Variants in DAB2IP observed in about 807,000 individuals in gnomAD.
DAB2IP encodes DAB2 interacting protein.
DAB2IP carries 28 observed loss-of-function variants against 107.2 expected under a neutral mutation model. The observed-to-expected ratio is 0.26, with a 90% confidence interval of 0.19 to 0.36. The LOEUF (loss-of-function observed/expected upper bound fraction) is 0.36. DAB2IP is among the 10% of genes least tolerant of loss of function. The pLI, the probability that DAB2IP is intolerant of heterozygous loss-of-function variation, is 1.00. For synonymous variants in DAB2IP, 755 were observed against 706.4 expected (o/e 1.07, Z -1.09); for missense variants, 1,400 against 1,644.7 (o/e 0.85, Z 2.57).
At chr9:121,706,577 C>T (rs1830068045) in intron 3 of DAB2IP, among the ~76,000 whole-genome samples, 1 of 152,192 alleles carries the variant, frequency 6.6e-6, no homozygotes, top group South Asian at 2.1e-4. Flanking sequence ...GCCGTGGTTC[C>T]TCTCTGCCCC....
rs78352067 is a variant in DAB2IP, at chr9:121,753,782, G to T, written c.363-3231G>T. 2.8e-4 allele frequency among the ~76,000 whole-genome samples: 42 copies of T among 152,304 alleles called. No individual in the cohort carries two copies. The East Asian group carries it at 4.6e-3, about 17-fold the overall frequency. On this transcript the variant is annotated intron_variant, in intron 3 of 15. Transcript: ENST00000408936. Reference sequence around the variant, plus strand: ...GGCATCCCTTCCTGGGAGTGGAATGGGAGTGAGGTAGAGACCAGTGCCTGC... The same window carrying T: ...GGCATCCCTTCCTGGGAGTGGAATGTGAGTGAGGTAGAGACCAGTGCCTGC...
chr9:121,674,210 T>TC (rs1833795996), intron 1 of DAB2IP, among the ~76,000 whole-genome samples: 1 of 152,186 alleles, frequency 6.6e-6, no homozygotes. Flanking sequence ...CTCTCCCTCC[T>TC]CCCCTCATCT....
At chr9:121,720,107 A>C (rs898949941) in intron 3 of DAB2IP, among the ~76,000 whole-genome samples, 2 of 152,230 alleles carry the variant, frequency 1.3e-5, no homozygotes, top group African/African-American at 4.8e-5. Context: ...GGGCAGCTCC[A>C]ACTCTGGCCT....
intron 1 of DAB2IP, among the ~76,000 whole-genome samples, chr9:121,607,935 T>C (rs944591699): frequency 2.6e-5 from 4 of 152,150 alleles, no homozygotes; most frequent in African/African-American, 9.7e-5. Context: ...CCAGAAGACA[T>C]AATGGAAGCA....
chr9:121,756,020 A>G (rs1013144644), intron 3 of DAB2IP, among the ~76,000 whole-genome samples: 1 of 152,106 alleles, frequency 6.6e-6, no homozygotes, highest in African/African-American at 2.4e-5. Context: ...CACCAACCCC[A>G]GGGTTTGAGC....
intron 2 of DAB2IP, among the ~76,000 whole-genome samples, chr9:121,690,486 C>T (rs1829109629): frequency 6.6e-6 from 1 of 152,190 alleles, no homozygotes; most frequent in African/African-American, 2.4e-5. Flanking sequence ...TGTTTGTAGC[C>T]ATCCAGACCT....
chr9:121,663,762 G>A (rs1278107441), intron 1 of DAB2IP, among the ~76,000 whole-genome samples: 1 of 152,224 alleles, frequency 6.6e-6, no homozygotes, highest in Non-Finnish European at 1.5e-5. Flanking sequence ...GGACTGAGCT[G>A]GGCCCTGGGG....
At chr9:121,770,454 C>A (rs148495923) in intron 10 of DAB2IP, 92 bp from the exon 11 acceptor site, 4 of 1,417,064 alleles carry the variant, frequency 2.8e-6, no homozygotes, top group Non-Finnish European at 3.9e-6. Context: ...TGACAGGCTC[C>A]GCAGTGGTTT....
chr9:121,602,925 G>A (rs1189753933), intron 1 of DAB2IP, among the ~76,000 whole-genome samples: 1 of 151,850 alleles, frequency 6.6e-6, no homozygotes, highest in African/African-American at 2.4e-5. Context: ...GCTCAGGATG[G>A]TCTTGATCTC....
chr9:121,757,031 G>A, exon 4 of DAB2IP: 1 of 1,614,180 alleles, frequency 6.2e-7, no homozygotes, highest in Non-Finnish European at 8.5e-7. Context: ...TGATGCCGAG[G>A]CTGAAGGAGT....
rs928377052 is a variant in DAB2IP, at chr9:121,736,257, C to G, written c.363-20756C>G. On this transcript the variant is annotated intron_variant, in intron 3 of 15. Coordinates refer to ENST00000408936, the Ensembl canonical transcript of DAB2IP. This position sits in a 1 kb window ranked among gnomAD's most constrained non-coding sequence, Gnocchi z 4.6. Reference sequence around the variant, plus strand: ...CTGCGCTGGTCTAAGCCCGACGAACCCGGGGTGGGGCCAGCGGGCCAAACT... The same window carrying G: ...CTGCGCTGGTCTAAGCCCGACGAACGCGGGGTGGGGCCAGCGGGCCAAACT... Among the ~76,000 whole-genome samples the G allele has an allele frequency of 1.3e-5, 2 of 152,162 alleles. No homozygotes were observed. Among genetic ancestry groups the G allele is most frequent in the African/African-American group, 4.8e-5 (2 of 41,444 alleles).
At chr9:121,614,402 A>G (rs1283123730) in intron 1 of DAB2IP, among the ~76,000 whole-genome samples, 1 of 134,920 alleles carries the variant, frequency 7.4e-6, no homozygotes, top group Non-Finnish European at 1.5e-5. Context: ...GTGCAATGGC[A>G]TGGTTTCGGC....
chr9:121,590,521 G>C (rs1031866098), intron 1 of DAB2IP, among the ~76,000 whole-genome samples: 17 of 152,126 alleles, frequency 1.1e-4, no homozygotes, highest in Non-Finnish European at 2.1e-4. Flanking sequence ...GTGTGATCTT[G>C]TGCAAGTTGC....
chr9:121,763,552 C>G, exon 7 of DAB2IP: 1 of 1,613,940 alleles, frequency 6.2e-7, no homozygotes, highest in Non-Finnish European at 8.5e-7. Context: ...GCTGCGGGGA[C>G]AACGAGCACC....
At chr9:121,614,383 G>A (rs902517937) in intron 1 of DAB2IP, among the ~76,000 whole-genome samples, 3 of 125,122 alleles carry the variant, frequency 2.4e-5, no homozygotes, top group African/African-American at 9.0e-5. Context: ...CTCTGTTGCC[G>A]AGGCTGGAGT....
At chr9:121,623,201 G>GGGAC (rs1831534524) in intron 1 of DAB2IP, among the ~76,000 whole-genome samples, 1 of 152,210 alleles carries the variant, frequency 6.6e-6, no homozygotes, top group African/African-American at 2.4e-5. Context: ...GGCATGGCCA[G>GGGAC]TCCCTACCCT....
At chr9:121,761,435 C>T (rs751190762) in intron 6 of DAB2IP, among the ~76,000 whole-genome samples, 39 of 152,336 alleles carry the variant, frequency 2.6e-4, no homozygotes, top group Non-Finnish European at 3.8e-4. Context: ...GCCCTTAGCT[C>T]TGGGTCGGGG....
chr9:121,651,267 G>T (rs1042320111), upstream of DAB2IP, among the ~76,000 whole-genome samples: 6 of 152,254 alleles, frequency 3.9e-5, no homozygotes. This position sits in a 1 kb window ranked among gnomAD's most constrained non-coding sequence, Gnocchi z 5.1. Context: ...AGCCCAGCGA[G>T]CCTGGGGCAG....
At chr9:121,774,186 C>G in intron 12 of DAB2IP, 74 bp from the exon 13 acceptor site, 3 of 1,440,872 alleles carry the variant, frequency 2.1e-6, no homozygotes, top group Non-Finnish European at 2.7e-6. Flanking sequence ...CCTTGTGGCT[C>G]ACCTGGGCCA....
Sources: gnomAD v4.1 joint callset for allele counts (sites outside exome capture counted in the v4.1 genomes callset) on GRCh38, gnomAD v4.1.1 for gene constraint, Gnocchi (gnomAD v3.1) non-coding constraint, MANE v1.5 for transcripts, NCBI Gene and HGNC (gene_info 2026-07-23, HGNC 2026-07-21) for gene names.